Variants in BPIFC observed in about 807,000 individuals in gnomAD.
BPIFC encodes the protein BPI fold-containing family C protein.
BPIFC carries 60 observed loss-of-function variants against 57.6 expected under a neutral mutation model. The observed-to-expected ratio is 1.04, with a 90% CI of 0.85 to 1.29. The LOEUF (loss-of-function observed/expected upper bound fraction) is 1.29. Among genes scored for constraint, BPIFC ranks in the 50% most tolerant of loss-of-function variants. The pLI, the probability that BPIFC is intolerant of heterozygous loss-of-function variation, is 0.00. For missense variants in BPIFC, 581 were observed against 600.5 expected (o/e 0.97, Z 0.34); for synonymous variants, 243 against 224.5 (o/e 1.08, Z -0.74).
At chr22:32,448,854 C>T (rs1290402322) in intron 4 of BPIFC, among the ~76,000 whole-genome samples, 1 of 117,496 alleles carries the variant, frequency 8.5e-6, no homozygotes, top group African/African-American at 3.0e-5. Flanking sequence ...AGGAGAATCC[C>T]TTGAACCCAG....
intron 14 of BPIFC, among the ~76,000 whole-genome samples, chr22:32,417,469 G>A (rs1291236124): frequency 6.6e-6 from 1 of 152,132 alleles, no homozygotes; most frequent in Non-Finnish European, 1.5e-5. Flanking sequence ...CACCACACCT[G>A]GCCAATCATG....
intron 2 of BPIFC, among the ~76,000 whole-genome samples, 166 bp downstream of exon 2, chr22:32,461,408 G>A (rs911603513): frequency 2.6e-5 from 4 of 152,166 alleles, no homozygotes; most frequent in African/African-American, 9.7e-5. Context: ...GTTGAGAGCT[G>A]AGGGGAAGGG....
chr22:32,458,679 C>T (rs964591977), intron 2 of BPIFC, among the ~76,000 whole-genome samples: 3 of 152,142 alleles, frequency 2.0e-5, no homozygotes, highest in Non-Finnish European at 4.4e-5. Context: ...GTGAATTGGG[C>T]CATGTGTGCC....
intron 13 of BPIFC, 116 bp from the exon 14 acceptor site, chr22:32,419,520 A>C: frequency 5.7e-6 from 6 of 1,048,136 alleles, no homozygotes; most frequent in Non-Finnish European, 7.1e-6. Flanking sequence ...AAAAACACAC[A>C]AGGCTGGGCA....
chr22:32,446,029 G>C, intron 5 of BPIFC, 33 bp from the exon 6 acceptor site: 1 of 1,609,442 alleles, frequency 6.2e-7, no homozygotes, highest in South Asian at 1.1e-5. Context: ...ATCCAAGCCT[G>C]AGTCAGGCAC....
At chr22:32,437,681 G>T in intron 9 of BPIFC, 79 bp downstream of exon 9, 1 of 1,064,898 alleles carries the variant, frequency 9.4e-7, no homozygotes, top group Non-Finnish European at 1.4e-6. Flanking sequence ...GTGAGGCACC[G>T]TGCCCAGTCC....
rs1433766189 is a variant in BPIFC, at chr22:32,414,516, A to G, written c.1402-91T>C. ...GAGGAAGAGATGGCTTCTTTTTTTT[A>G]TTATTTTAATTTTGAGATGGAGTCT... On this transcript the variant is annotated intron_variant, in intron 16 of 16. Transcript: ENST00000300399. 6.9e-6 allele frequency: 10 copies of G among 1,448,534 alleles called. No homozygotes were observed. In the Admixed American group the frequency reaches 8.9e-5, roughly 13 times the overall value. 89.7% of individuals were successfully genotyped at this position (1,448,534 alleles called of 1,614,324 possible). A position where few individuals can be genotyped will look rare whatever the true frequency, so the allele number is the denominator to read the frequency against.
At chr22:32,452,189 A>C (rs1361050424) in intron 4 of BPIFC, among the ~76,000 whole-genome samples, 1 of 152,214 alleles carries the variant, frequency 6.6e-6, no homozygotes, top group Non-Finnish European at 1.5e-5. Context: ...CGTGTGAGCC[A>C]CTGAGCCCAG....
chr22:32,431,464 G>T, intron 12 of BPIFC, 50 bp from the exon 13 acceptor site: 1 of 1,198,498 alleles, frequency 8.3e-7, no homozygotes, highest in Non-Finnish European at 1.2e-6. Flanking sequence ...TGTCAATTTT[G>T]GCCATCAGTA....
chr22:32,425,576 T>G (rs959729448), intron 13 of BPIFC, among the ~76,000 whole-genome samples: 3 of 152,178 alleles, frequency 2.0e-5, no homozygotes, highest in Admixed American at 6.5e-5. Flanking sequence ...GAAATCATAG[T>G]CAAAGCCAAC....
At chr22:32,461,754 C>T (rs1935164728) in intron 1 of BPIFC, 93 bp from the exon 2 acceptor site, 2 of 475,244 alleles carry the variant, frequency 4.2e-6, no homozygotes, top group South Asian at 9.0e-5. Context: ...GGTATAGGAG[C>T]ATTTCCACAT....
At chr22:32,455,652 G>A (rs1935018910) in intron 3 of BPIFC, among the ~76,000 whole-genome samples, 1 of 152,156 alleles carries the variant, frequency 6.6e-6, no homozygotes, top group Admixed American at 6.6e-5. Context: ...GGAGGAACAG[G>A]GAGTAGATGA....
At chr22:32,418,660 T>C (rs961991134) in intron 14 of BPIFC, among the ~76,000 whole-genome samples, 1 of 152,164 alleles carries the variant, frequency 6.6e-6, no homozygotes, top group Non-Finnish European at 1.5e-5. Context: ...TAAGTATTTA[T>C]CAGTAAATGA....
chr22:32,452,650 A>C (rs922826096), intron 4 of BPIFC, among the ~76,000 whole-genome samples: 2 of 149,516 alleles, frequency 1.3e-5, no homozygotes, highest in East Asian at 1.9e-4. Context: ...AAAAAAAAAA[A>C]ACACAAAAAA....
In BPIFC at chr22:32,424,750, TTCC is replaced by T. The variant is rs755582409; in HGVS notation, c.1218-5349_1218-5347del. 2.7e-3 allele frequency among the ~76,000 whole-genome samples: 203 copies of T among 74,660 alleles called. 12 individuals carry two copies. The highest frequency in any genetic ancestry group is 3.8e-3 in the Non-Finnish European group (135 of 35,254). 49.0% of individuals were successfully genotyped at this position (74,660 alleles called of 152,430 possible). A position where few individuals can be genotyped will look rare whatever the true frequency, so the allele number is the denominator to read the frequency against. On this transcript the variant is annotated intron_variant, in intron 13 of 16. Transcript: ENST00000300399. ...CTTCCTCTTCTTCTTCCTCTTCTTCTTCCTCTTCTTCTTCTTCTTCTTCTTCTT... is the reference window on the plus strand; with the variant it reads ...CTTCCTCTTCTTCTTCCTCTTCTTCTTCTTCTTCTTCTTCTTCTTCTTCTT...
intron 9 of BPIFC, 74 bp downstream of exon 9, chr22:32,437,686 C>T (rs1934446786): frequency 8.9e-7 from 1 of 1,119,812 alleles, no homozygotes; most frequent in Non-Finnish European, 1.3e-6. Context: ...GCACCGTGCC[C>T]AGTCCATAAT....
chr22:32,461,776 G>T (rs971788900), intron 1 of BPIFC, 115 bp from the exon 2 acceptor site: 2 of 328,866 alleles, frequency 6.1e-6, no homozygotes, highest in African/African-American at 2.2e-5. Context: ...TTAACATATG[G>T]CGAGGCCAAA....
chr22:32,436,727 T>G (rs1934413859), intron 9 of BPIFC, among the ~76,000 whole-genome samples: 1 of 152,234 alleles, frequency 6.6e-6, no homozygotes. Context: ...CATGTAGTGG[T>G]GTCAAACACT....
chr22:32,437,617 C>T, intron 9 of BPIFC, 143 bp downstream of exon 9: 1 of 571,344 alleles, frequency 1.8e-6, no homozygotes, highest in Non-Finnish European at 3.1e-6. Flanking sequence ...TCTCAAACTC[C>T]TGGCCTCAAG....
Sources: allele counts gnomAD v4.1 joint callset (sites outside exome capture counted in the v4.1 genomes callset), GRCh38; gene constraint gnomAD v4.1.1; transcripts MANE v1.5; gene names NCBI Gene and HGNC (gene_info 2026-07-23, HGNC 2026-07-21).